Variants in TMEM38A observed in about 807,000 individuals in gnomAD.
TMEM38A encodes trimeric intracellular cation channel type A.
Under a neutral mutation model 28.6 loss-of-function variants are expected in TMEM38A, and 17 were observed. The observed-to-expected ratio is 0.60, with a 90% CI of 0.41 to 0.89. The LOEUF is 0.89. Ranked by LOEUF, TMEM38A falls within the 40% of genes least tolerant of loss-of-function variation. TMEM38A has a pLI of 0.00. For missense variants in TMEM38A, 328 were observed against 393.1 expected (o/e 0.83, Z 1.40); for synonymous variants, 169 against 166.1 (o/e 1.02, Z -0.14).
At chr19:16,682,891 A>G (rs7259569) in intron 4 of TMEM38A, among the ~76,000 whole-genome samples, 57,899 of 152,068 alleles carry the variant, frequency 0.38, 16,440 homozygotes, top group African/African-American at 0.8. Context: ...CATTGGGAGC[A>G]TATCTGGAGC....
chr19:16,687,912 G>A (rs2086808256), intron 5 of TMEM38A, among the ~76,000 whole-genome samples: 1 of 152,186 alleles, frequency 6.6e-6, no homozygotes, highest in Non-Finnish European at 1.5e-5. Flanking sequence ...GTCTCAGTGT[G>A]CTTGGAACTT....
At chr19:16,667,191 C>T (rs925525189) in intron 1 of TMEM38A, among the ~76,000 whole-genome samples, 11 of 149,466 alleles carry the variant, frequency 7.4e-5, no homozygotes, top group Non-Finnish European at 1.2e-4. Context: ...ATCACTTGAA[C>T]CAGGGAGGTG....
At position 16,661,427 on chromosome 19, in the gene TMEM38A, T is replaced by G; in HGVS notation, c.124+86T>G. On this transcript the variant is annotated intron_variant, in intron 1 of 5. Transcript: ENST00000187762. This position sits in a 1 kb window ranked among gnomAD's most constrained non-coding sequence, Gnocchi z 6.5. The stretch of plus-strand genomic sequence containing the variant: ...GGGGGTCGCAGAGAGGGGAAGCCCG[T>G]GCGTGGTGGAGGGAGCGAGGGACAG... 8.2e-7 allele frequency: 1 copy of G among 1,217,198 alleles called. No individual in the cohort carries two copies. The highest frequency in any genetic ancestry group is 1.1e-6 in the Non-Finnish European group (1 of 900,498). The allele number at this position is 1,217,198 out of a possible 1,614,324, so 75.4% of individuals were successfully genotyped here. A position where few individuals can be genotyped will look rare whatever the true frequency, so the allele number is the denominator to read the frequency against.
Position 16,688,263 on chromosome 19 carries a change from G to C in TMEM38A, c.792G>C (p.Gly264=), listed in dbSNP as rs777921066. ...ACCATCACCACGACAACCATGGTGG[G>C]TCCCACAGCGGTGGTGGGCCAGGAG... ...GGDHHHDNHG[G]SHSGGGPGAQ... is the part of the protein sequence containing the mutation. The change falls in exon 6 of 6, where the codon GGG becomes GGC. Residue 264 remains glycine (G), a synonymous_variant. Transcript: ENST00000187762. 1 of 1,605,640 alleles carries C rather than the reference G, an allele frequency of 6.2e-7. No individual in the cohort carries two copies. Among genetic ancestry groups the C allele is most frequent in the South Asian group, 1.1e-5 (1 of 89,936 alleles).
intron 1 of TMEM38A, among the ~76,000 whole-genome samples, chr19:16,662,859 G>A (rs2086688105): frequency 6.6e-6 from 1 of 152,038 alleles, no homozygotes; most frequent in Admixed American, 6.6e-5. Context: ...CTATCCTGGA[G>A]AACATTACTT....
intron 3 of TMEM38A, among the ~76,000 whole-genome samples, chr19:16,681,569 C>T (rs923014414): frequency 6.6e-6 from 1 of 152,112 alleles, no homozygotes; most frequent in East Asian, 1.9e-4. Flanking sequence ...ACTTTATCCT[C>T]GCTTCCTGCC....
chr19:16,682,679 G>A (rs2086786794), intron 4 of TMEM38A, among the ~76,000 whole-genome samples, 171 bp downstream of exon 4: 1 of 152,198 alleles, frequency 6.6e-6, no homozygotes, highest in Non-Finnish European at 1.5e-5. Context: ...GCTCTGCTCA[G>A]TGTGGAGGTT....
chr19:16,672,466 T>TTTTTTTTTTTTTTG, intron 1 of TMEM38A, among the ~76,000 whole-genome samples: 1 of 149,658 alleles, frequency 6.7e-6, no homozygotes, highest in East Asian at 2.0e-4. Flanking sequence ...TTTTTTTTTT[T>TTTTTTTTTTTTTTG]GAGGCAGAGT....
chr19:16,663,922 T>G (rs1378100516), intron 1 of TMEM38A, among the ~76,000 whole-genome samples: 1 of 151,984 alleles, frequency 6.6e-6, no homozygotes, highest in Non-Finnish European at 1.5e-5. Flanking sequence ...CTGATGTCTG[T>G]TATCAGGGCT....
intron 1 of TMEM38A, among the ~76,000 whole-genome samples, chr19:16,671,209 T>A (rs1348239099): frequency 4.9e-5 from 7 of 143,878 alleles, no homozygotes; most frequent in Admixed American, 4.1e-4. Flanking sequence ...GGCTTTTTTT[T>A]TTTTTTTTTT....
In TMEM38A at chr19:16,661,168, G is replaced by C. The variant is rs1467593001; in HGVS notation, c.-50G>C. ...TCGCCGGGCCGCGGGCGGCGGGACG[G>C]ACGAGGCCGGGGCCCCGGGTGGCAC... On this transcript the variant is annotated 5_prime_UTR_variant, in exon 1 of 6. Transcript: ENST00000187762. This position sits in a 1 kb window ranked among gnomAD's most constrained non-coding sequence, Gnocchi z 6.5. The C allele has an allele frequency of 8.5e-7, 1 of 1,177,452 alleles. No homozygotes were observed. The highest frequency in any genetic ancestry group is 4.1e-5 in the East Asian group (1 of 24,324). The allele number at this position is 1,177,452 out of a possible 1,614,324, so 72.9% of individuals were successfully genotyped here. A position where few individuals can be genotyped will look rare whatever the true frequency, so the allele number is the denominator to read the frequency against.
At chr19:16,666,097 C>CA (rs1347747397) in intron 1 of TMEM38A, among the ~76,000 whole-genome samples, 1 of 152,116 alleles carries the variant, frequency 6.6e-6, no homozygotes, top group African/African-American at 2.4e-5. Context: ...TCTCCTGCCT[C>CA]AGCCTCCCGA....
In TMEM38A at chr19:16,661,499, G is replaced by C. The variant is rs1401577386; in HGVS notation, c.124+158G>C. 6.6e-6 allele frequency among the ~76,000 whole-genome samples: 1 copy of C among 152,002 alleles called. No individual in the cohort carries two copies. Among genetic ancestry groups the C allele is most frequent in the Non-Finnish European group, 1.5e-5 (1 of 67,992 alleles). On this transcript the variant is annotated intron_variant, in intron 1 of 5. Transcript: ENST00000187762. The surrounding 1 kb of genome is among the most constrained non-coding windows in gnomAD (Gnocchi z 6.5). The stretch of plus-strand genomic sequence containing the variant: ...AGTAGGCAGGCGCTAGAATCGTGGG[G>C]TTCTCTCACGCCGGGGTGAGCCCGG...
intron 1 of TMEM38A, among the ~76,000 whole-genome samples, chr19:16,672,926 A>G (rs912178209): frequency 5.3e-5 from 8 of 152,188 alleles, no homozygotes; most frequent in African/African-American, 1.7e-4. Context: ...TGCCACTGTC[A>G]TCTAGTGGGT....
At chr19:16,668,624 G>A (rs1378654808) in intron 1 of TMEM38A, among the ~76,000 whole-genome samples, 1 of 151,870 alleles carries the variant, frequency 6.6e-6, no homozygotes, top group African/African-American at 2.4e-5. Flanking sequence ...ACAGACATGA[G>A]CCACTGCACC....
chr19:16,684,575 G>A (rs1173390883), intron 4 of TMEM38A, among the ~76,000 whole-genome samples: 6 of 151,992 alleles, frequency 3.9e-5, no homozygotes, highest in Non-Finnish European at 8.8e-5. Context: ...ATTTTGCAAG[G>A]AAAAAAATAA....
chr19:16,662,891 G>T (rs557686523), intron 1 of TMEM38A, among the ~76,000 whole-genome samples: 9 of 152,166 alleles, frequency 5.9e-5, no homozygotes, highest in East Asian at 5.8e-4. Context: ...ATAGGCTTTT[G>T]TGTTGTCCTA....
At chr19:16,669,822 G>C (rs2086718801) in intron 1 of TMEM38A, among the ~76,000 whole-genome samples, 1 of 152,098 alleles carries the variant, frequency 6.6e-6, no homozygotes, top group African/African-American at 2.4e-5. Flanking sequence ...GTACCACCCA[G>C]TCATCTGCAA....
chr19:16,686,234 A>G, intron 4 of TMEM38A, 54 bp from the exon 5 acceptor site: 1 of 1,395,728 alleles, frequency 7.2e-7, no homozygotes, highest in Non-Finnish European at 1.0e-6. Context: ...GGCCAGAGTT[A>G]TGAAGACTTG....
Sources: allele counts gnomAD v4.1 joint callset (sites outside exome capture counted in the v4.1 genomes callset), GRCh38; gene constraint gnomAD v4.1.1; non-coding constraint Gnocchi (gnomAD v3.1); transcripts MANE v1.5; gene names NCBI Gene and HGNC (gene_info 2026-07-23, HGNC 2026-07-21).